Variants in POLG observed in about 807,000 individuals in gnomAD.
POLG encodes DNA polymerase gamma, catalytic subunit.
In POLG, 110 loss-of-function variants were observed where a neutral mutation model predicts 155.4. That is an observed-to-expected ratio of 0.71 (90% CI 0.61 to 0.83). The LOEUF (loss-of-function observed/expected upper bound fraction) is 0.83. POLG is among the 40% of genes least tolerant of loss of function. The pLI is 0.00. For synonymous variants in POLG, 701 were observed against 631.5 expected (o/e 1.11, Z -1.65); for missense variants, 1,685 against 1,627.5 (o/e 1.04, Z -0.61).
At chr15:89,322,276 C>T (rs1015330168) in intron 14 of POLG, among the ~76,000 whole-genome samples, 9 of 152,228 alleles carry the variant, frequency 5.9e-5, no homozygotes, top group African/African-American at 1.7e-4. Flanking sequence ...ATGAGGCGCT[C>T]CTTCCACCAA....
intron 5 of POLG, 71 bp downstream of exon 5, chr15:89,328,614 G>A: frequency 6.2e-7 from 1 of 1,608,818 alleles, no homozygotes; most frequent in Non-Finnish European, 8.5e-7. Context: ...AGGCCTGGCA[G>A]CTGCATCTCC....
At chr15:89,324,912 T>C (rs1021642574) in intron 10 of POLG, among the ~76,000 whole-genome samples, 11 of 152,194 alleles carry the variant, frequency 7.2e-5, no homozygotes, top group African/African-American at 2.7e-4. Flanking sequence ...TGAAGGCAGC[T>C]ATGCTTCTGG....
At chr15:89,320,201 A>G (rs2238298) in intron 18 of POLG, among the ~76,000 whole-genome samples, 1,792 of 152,350 alleles carry the variant, frequency 0.012, 82 homozygotes, top group East Asian at 0.092. Flanking sequence ...TGGACAGTGT[A>G]CTGTACCTCA....
intron 6 of POLG, among the ~76,000 whole-genome samples, 178 bp from the exon 7 acceptor site, chr15:89,327,527 G>A (rs115009301): frequency 6.6e-6 from 1 of 152,102 alleles, no homozygotes; most frequent in African/African-American, 2.4e-5. Flanking sequence ...CCCATCTCTC[G>A]GAGCCTCAGT....
At chr15:89,332,421 G>C (rs973219009) in intron 2 of POLG, 5 of 152,182 alleles carry the variant, frequency 3.3e-5, no homozygotes, top group African/African-American at 1.2e-4. Flanking sequence ...TGCCATCATT[G>C]TTTGAAAAAG....
chr15:89,323,575 G>A (rs1429486969), intron 12 of POLG, 64 bp from the exon 13 acceptor site: 2 of 1,084,924 alleles, frequency 1.8e-6, no homozygotes, highest in Non-Finnish European at 2.9e-6. Flanking sequence ...AGGGCCATGG[G>A]GTAGGGGGTG....
In POLG at chr15:89,326,613, C is replaced by A; in HGVS notation, c.1711G>T (p.Gly571Ter). 1 of 1,613,678 alleles carries A rather than the reference C, an allele frequency of 6.2e-7. No homozygotes were observed. The highest frequency in any genetic ancestry group is 8.5e-7 in the Non-Finnish European group (1 of 1,179,994). The change falls in exon 9 of 23, where the codon GGA (glycine) becomes TGA (stop). Residue 571 changes from glycine (G) to a stop codon, truncating the protein, a stop_gained and splice_region_variant. Transcript: ENST00000268124. LOFTEE classifies it high-confidence loss of function. ...KRPQHLPGHP[G>*]WYRKLCPRLD... The stretch of plus-strand genomic sequence containing the variant: ...CTGCTGGGGGTGGGCAGGGCTCACC[C>A]AGGGTGTCCAGGAAGGTGCTGGGGC...
chr15:89,325,544 C>G lies in POLG; in HGVS notation c.1855G>C (p.Gly619Arg). The change falls in exon 10 of 23, where the codon GGC (glycine) becomes CGC (arginine). Residue 619 changes from glycine to arginine, a missense_variant. Physicochemically the swap from Gly to Arg is moderately radical, Grantham distance 125. This residue lies in a region of POLG where 1,210 missense variants were observed against 1,167.1 expected (regional missense o/e 1.04). Coordinates refer to ENST00000268124, the MANE Select transcript of POLG (RefSeq NM_002693.3). ...GFPLHYSERH[G>R]WGYLVPGRRD... ...CGCCCAGGCACCAAGTAGCCCCAGC[C>G]ATGACGCTCTGAGTAGTGCAGAGGG... 1 of 1,613,424 alleles carries G rather than the reference C, an allele frequency of 6.2e-7. No individual in the cohort carries two copies. Among genetic ancestry groups the G allele is most frequent in the South Asian group, 1.1e-5 (1 of 91,080 alleles).
chr15:89,325,259 T>TGA (rs1394621184), intron 10 of POLG, among the ~76,000 whole-genome samples, 191 bp downstream of exon 10: 2 of 80,430 alleles, frequency 2.5e-5, no homozygotes, highest in African/African-American at 7.9e-5. Flanking sequence ...AGAGAGAGAG[T>TGA]GAGTGAGTGA....
At chr15:89,329,341 A>G (rs1356246648) in intron 3 of POLG, among the ~76,000 whole-genome samples, 1 of 152,248 alleles carries the variant, frequency 6.6e-6, no homozygotes, top group African/African-American at 2.4e-5. Flanking sequence ...TTTAAGATGC[A>G]GGCCTGGCTC....
At chr15:89,332,596 C>T (rs1041837091) in intron 2 of POLG, among the ~76,000 whole-genome samples, 23 of 5,202 alleles carry the variant, frequency 4.4e-3, no homozygotes, top group Non-Finnish European at 1.2e-3. Context: ...GAAACGTTGC[C>T]GGCGGGGGCA....
intron 21 of POLG, chr15:89,317,754 A>C: frequency 1.8e-6 from 1 of 565,946 alleles, no homozygotes; most frequent in Non-Finnish European, 3.1e-6. Context: ...TATGGACTCA[A>C]CATACTTTTT....
intron 6 of POLG, 92 bp from the exon 7 acceptor site, chr15:89,327,441 C>A (rs2055537837): frequency 8.6e-7 from 1 of 1,164,756 alleles, no homozygotes; most frequent in Non-Finnish European, 1.3e-6. Flanking sequence ...TCAACCCAGC[C>A]ACTGACATGG....
At chr15:89,317,328 T>G (rs2307454) in intron 22 of POLG, 48 bp downstream of exon 22, 9 of 1,590,850 alleles carry the variant, frequency 5.7e-6, no homozygotes, top group Non-Finnish European at 6.9e-6. Flanking sequence ...CACTTTCTAG[T>G]CCACCTCAGA....
At chr15:89,325,844 G>A (rs2055510411) in intron 9 of POLG, among the ~76,000 whole-genome samples, 158 bp from the exon 10 acceptor site, 1 of 152,150 alleles carries the variant, frequency 6.6e-6, no homozygotes, top group African/African-American at 2.4e-5. Context: ...GGATGCTTTA[G>A]CCAGGACCCC....
At chr15:89,322,257 G>C (rs2055407338) in intron 14 of POLG, among the ~76,000 whole-genome samples, 1 of 152,214 alleles carries the variant, frequency 6.6e-6, no homozygotes, top group Non-Finnish European at 1.5e-5. Flanking sequence ...TCCTCTCCGG[G>C]GGGCATCCAT....
Position 89,322,667 on chromosome 15 carries a change from T to G in POLG, c.2426+75A>C, listed in dbSNP as rs2307428. On this transcript the variant is annotated intron_variant, in intron 14 of 22. Transcript: ENST00000268124. ...TAGTCAGGCTGGCCCTCTGTGGGAATCCAGGGTTAGTCAGGGGTCCCTGGG... is the reference window on the plus strand; with the variant it reads ...TAGTCAGGCTGGCCCTCTGTGGGAAGCCAGGGTTAGTCAGGGGTCCCTGGG... 0.014 allele frequency: 21,494 copies of G among 1,507,820 alleles called. 193 individuals are homozygous for G. The highest frequency in any genetic ancestry group is 0.017 in the Non-Finnish European group (19,003 of 1,087,840). The allele number at this position is 1,507,820 out of a possible 1,614,324, so 93.4% of individuals were successfully genotyped here. A position where few individuals can be genotyped will look rare whatever the true frequency, so the allele number is the denominator to read the frequency against.
intron 21 of POLG, 133 bp downstream of exon 21, chr15:89,318,404 GAAAT>G (rs1275208951): frequency 7.0e-5 from 48 of 685,682 alleles, no homozygotes; most frequent in Admixed American, 6.0e-4. Context: ...TTAAAAATTA[GAAAT>G]AAATAAATAA....
At position 89,319,488 on chromosome 15, in the gene POLG, G is replaced by C. The variant is rs574960249; in HGVS notation, c.2982-138C>G. On this transcript the variant is annotated intron_variant, in intron 18 of 22. Coordinates refer to ENST00000268124, the MANE Select transcript of POLG (RefSeq NM_002693.3). ...CCAGTCCCCTAAAGGCTTTTATTCAGAGGAAGAAACGGCTCAGAGAGGCTA... is the reference window on the plus strand; with the variant it reads ...CCAGTCCCCTAAAGGCTTTTATTCACAGGAAGAAACGGCTCAGAGAGGCTA... 6.2e-4 allele frequency: 757 copies of C among 1,215,772 alleles called. 1 individual carries two copies. Among genetic ancestry groups the C allele is most frequent in the Non-Finnish European group, 7.9e-4 (677 of 855,106 alleles). The allele number at this position is 1,215,772 out of a possible 1,614,324, so 75.3% of individuals were successfully genotyped here.
Sources: allele counts gnomAD v4.1 joint callset (sites outside exome capture counted in the v4.1 genomes callset), GRCh38; gene constraint gnomAD v4.1.1; regional missense constraint gnomAD v4.1.1; transcripts MANE v1.5; gene names NCBI Gene and HGNC (gene_info 2026-07-23, HGNC 2026-07-21).